The following ARHGAP35 variants were observed in gnomAD, a reference collection of about 807,000 sequenced individuals.
ARHGAP35 encodes rho GTPase-activating protein 35.
Under a neutral mutation model 111.1 loss-of-function variants are expected in ARHGAP35, and 15 were observed. The ratio of observed to expected loss-of-function variants is 0.13; its 90% CI spans 0.09 to 0.21. The LOEUF is 0.21. ARHGAP35 is among the 10% of genes least tolerant of loss of function. The probability of loss-of-function intolerance (pLI) is 1.00; values close to 1 mark genes in which losing one functional copy is unlikely to be tolerated. For synonymous variants in ARHGAP35, 643 were observed against 710.3 expected (o/e 0.91, Z 1.51); for missense variants, 1,262 against 1,873.0 (o/e 0.67, Z 6.02).
chr19:46,903,497 A>G (rs1427074743), intron 1 of ARHGAP35, among the ~76,000 whole-genome samples: 1 of 152,200 alleles, frequency 6.6e-6, no homozygotes, highest in Non-Finnish European at 1.5e-5. Flanking sequence ...GTAACTGAGA[A>G]AGGTATGTTG....
rs571889686 is a variant in ARHGAP35 at position 47,000,225 on chromosome 19, C to A, written c.4143-106C>A. 4.8e-6 allele frequency: 6 copies of A among 1,245,832 alleles called. No homozygotes were observed. In the South Asian group the frequency reaches 7.0e-5, roughly 15 times the overall value. 77.2% of individuals were successfully genotyped at this position (1,245,832 alleles called of 1,614,324 possible). On this transcript the variant is annotated intron_variant, in intron 6 of 6. Transcript: ENST00000672722. This position sits in a 1 kb window ranked among gnomAD's most constrained non-coding sequence, Gnocchi z 6.9. ...CTGCGCATGGCCTTTTCTGCTCCAC[C>A]TGAGGGAAGAAAGGTGGGCTCAGCC...
chr19:46,925,054 G>A (rs1476062389), intron 2 of ARHGAP35, among the ~76,000 whole-genome samples: 1 of 152,148 alleles, frequency 6.6e-6, no homozygotes, highest in African/African-American at 2.4e-5. Flanking sequence ...CTGGGTCAGC[G>A]TGCAAGAAGT....
Position 46,886,381 on chromosome 19 carries a change from G to A in ARHGAP35, c.-189+25172G>A, listed in dbSNP as rs116619807. Among the ~76,000 whole-genome samples the A allele has an allele frequency of 7.9e-3, 1,205 of 152,032 alleles. 8 individuals carry two copies. The highest frequency in any genetic ancestry group is 0.027 in the African/African-American group (1,123 of 41,482). On this transcript the variant is annotated intron_variant, in intron 1 of 6. Coordinates refer to ENST00000672722, the MANE Select transcript of ARHGAP35 (RefSeq NM_004491.5). Reference sequence around the variant, plus strand: ...GTAGTGCAGATCTAGACTATGCTCCGTAAGGGAGGTTTTTTTTTTCTTTTC... The same window carrying A: ...GTAGTGCAGATCTAGACTATGCTCCATAAGGGAGGTTTTTTTTTTCTTTTC...
chr19:46,954,103 T>C (rs934171866), intron 3 of ARHGAP35, among the ~76,000 whole-genome samples: 1 of 152,178 alleles, frequency 6.6e-6, no homozygotes, highest in Non-Finnish European at 1.5e-5. Context: ...GGCAGCTGTC[T>C]GTATGTAAGC....
Position 46,888,314 on chromosome 19 carries a change from A to G in ARHGAP35, c.-189+27105A>G, listed in dbSNP as rs867332325. Among the ~76,000 whole-genome samples, 363 of 61,650 alleles carry G rather than the reference A, an allele frequency of 5.9e-3. 17 individuals carry two copies. The highest frequency in any genetic ancestry group is 7.2e-3 in the Non-Finnish European group (224 of 31,206). 40.4% of individuals were successfully genotyped at this position (61,650 alleles called of 152,430 possible). ...TATATATATATATATATATATATAT[A>G]TATAAAATATTGATTTTATACACAC... On this transcript the variant is annotated intron_variant, in intron 1 of 6. Coordinates refer to ENST00000672722, the MANE Select transcript of ARHGAP35 (RefSeq NM_004491.5).
At chr19:46,967,591 A>G (rs2056522709) in intron 3 of ARHGAP35, among the ~76,000 whole-genome samples, 1 of 152,166 alleles carries the variant, frequency 6.6e-6, no homozygotes, top group South Asian at 2.1e-4. Flanking sequence ...TCCAAAATAA[A>G]TGGGATCACT....
Position 46,994,128 on chromosome 19 carries a change from C to T in ARHGAP35, c.4036+4453C>T, listed in dbSNP as rs1374966370. On this transcript the variant is annotated intron_variant, in intron 5 of 6. Coordinates refer to ENST00000672722, the MANE Select transcript of ARHGAP35 (RefSeq NM_004491.5). The surrounding 1 kb of genome is among the most constrained non-coding windows in gnomAD (Gnocchi z 5.4). ...ACACGCCAGGTGTGGGGAGAAGCCA[C>T]CCTGGGCACCTGTACCATGGCGGGT... Among the ~76,000 whole-genome samples the T allele has an allele frequency of 6.6e-6, 1 of 152,146 alleles. No homozygotes were observed. The highest frequency in any genetic ancestry group is 1.5e-5 in the Non-Finnish European group (1 of 68,014).
intron 1 of ARHGAP35, among the ~76,000 whole-genome samples, chr19:46,902,196 G>A (rs1448714229): frequency 6.6e-6 from 1 of 152,182 alleles, no homozygotes; most frequent in Non-Finnish European, 1.5e-5. Context: ...AGGTGGGAAT[G>A]TTTCTGCCAC....
intron 3 of ARHGAP35, among the ~76,000 whole-genome samples, chr19:46,943,762 A>C (rs2056362926): frequency 6.6e-6 from 1 of 152,208 alleles, no homozygotes; most frequent in African/African-American, 2.4e-5. Flanking sequence ...AAAACATTGC[A>C]TCATCACTTG....
intron 3 of ARHGAP35, among the ~76,000 whole-genome samples, chr19:46,959,080 AATTT>A (rs1195385866): frequency 6.6e-6 from 1 of 152,100 alleles, no homozygotes; most frequent in Admixed American, 6.6e-5. Flanking sequence ...TTTAAAAAAA[AATTT>A]ATTTATTTAT....
chr19:46,895,249 C>T (rs2122158796), intron 1 of ARHGAP35, among the ~76,000 whole-genome samples: 1 of 151,816 alleles, frequency 6.6e-6, no homozygotes, highest in Admixed American at 6.6e-5. Context: ...CTGCAAGCTC[C>T]ACCTCCCGGG....
At chr19:46,978,335 A>G (rs2056590217) in intron 3 of ARHGAP35, among the ~76,000 whole-genome samples, 1 of 152,206 alleles carries the variant, frequency 6.6e-6, no homozygotes, top group African/African-American at 2.4e-5. Context: ...ATTGGGAATC[A>G]GGAACCTGAA....
In ARHGAP35 at chr19:46,989,975, T is replaced by G. The variant is rs984661550; in HGVS notation, c.4036+300T>G. On this transcript the variant is annotated intron_variant, in intron 5 of 6. Transcript: ENST00000672722. The surrounding 1 kb of genome is among the most constrained non-coding windows in gnomAD (Gnocchi z 5.3). ...TCCTTCGCTTGTGGCCGACTTAACC[T>G]TCCCTGCCCCTTGTGTCCTGCCGTT... 6.6e-6 allele frequency among the ~76,000 whole-genome samples: 1 copy of G among 152,200 alleles called. No homozygotes were observed. The highest frequency in any genetic ancestry group is 1.5e-5 in the Non-Finnish European group (1 of 68,030).
rs79404225 is a variant in ARHGAP35, at chr19:46,863,186, A to G, written c.-189+1977A>G. Among the ~76,000 whole-genome samples the G allele has an allele frequency of 8.2e-4, 124 of 151,746 alleles. 1 individual carries two copies. In the East Asian group the frequency reaches 0.023, roughly 28 times the overall value. ...CCATTGAGCACTTCCCCTTTCAGGC[A>G]TATCTTTCTTTCCATCCCTCTGCTG... On this transcript the variant is annotated intron_variant, in intron 1 of 6. Transcript: ENST00000672722.
Position 47,001,320 on chromosome 19 carries a change from A to G in ARHGAP35, c.*632A>G. The G allele has an allele frequency of 1.6e-6, 2 of 1,290,242 alleles. No homozygotes were observed. Among genetic ancestry groups the G allele is most frequent in the Non-Finnish European group, 2.0e-6 (2 of 989,176 alleles). The allele number at this position is 1,290,242 out of a possible 1,614,324, so 79.9% of individuals were successfully genotyped here. A position where few individuals can be genotyped will look rare whatever the true frequency, so the allele number is the denominator to read the frequency against. Reference sequence around the variant, plus strand: ...GTGTGGGACTCCCCGCTTCATCCCCACCGTCCCACTCCACAGCCTTCCCGA... The same window carrying G: ...GTGTGGGACTCCCCGCTTCATCCCCGCCGTCCCACTCCACAGCCTTCCCGA... On this transcript the variant is annotated 3_prime_UTR_variant, in exon 7 of 7. Coordinates refer to ENST00000672722, the MANE Select transcript of ARHGAP35 (RefSeq NM_004491.5). The surrounding 1 kb of genome is among the most constrained non-coding windows in gnomAD (Gnocchi z 5.4).
At chr19:46,953,205 A>G (rs1025857551) in intron 3 of ARHGAP35, among the ~76,000 whole-genome samples, 3 of 152,202 alleles carry the variant, frequency 2.0e-5, no homozygotes, top group African/African-American at 7.2e-5. Flanking sequence ...GGGGAGACAG[A>G]TAATAAGAAG....
At chr19:46,957,448 T>C (rs907715963) in intron 3 of ARHGAP35, among the ~76,000 whole-genome samples, 1 of 151,604 alleles carries the variant, frequency 6.6e-6, no homozygotes, top group Non-Finnish European at 1.5e-5. Flanking sequence ...ACCCTGCCTG[T>C]ACAAAAAATA....
chr19:46,990,179 G>A (rs1237664620), intron 5 of ARHGAP35, among the ~76,000 whole-genome samples: 2 of 152,322 alleles, frequency 1.3e-5, no homozygotes, highest in Middle Eastern at 3.4e-3. Flanking sequence ...TTAGGAAGCC[G>A]GCCTCTGGAG....
Position 46,998,652 on chromosome 19 carries a change from C to T in ARHGAP35, c.4037-652C>T, listed in dbSNP as rs529390689. ...GGGACTCATGGAACTGGGCCTGGCG[C>T]GGGTTACAAGCTGCATTCCAGGCAG... On this transcript the variant is annotated intron_variant, in intron 5 of 6. Transcript: ENST00000672722. Among the ~76,000 whole-genome samples, 15 of 152,346 alleles carry T rather than the reference C, an allele frequency of 9.8e-5. 1 individual carries two copies. In the South Asian group the frequency reaches 3.1e-3, roughly 32 times the overall value.
Sources: allele counts gnomAD v4.1 joint callset (sites outside exome capture counted in the v4.1 genomes callset), GRCh38; gene constraint gnomAD v4.1.1; non-coding constraint Gnocchi (gnomAD v3.1); transcripts MANE v1.5; gene names NCBI Gene and HGNC (gene_info 2026-07-23, HGNC 2026-07-21).